CD2AP: variants seen among roughly 807,000 people sequenced by gnomAD.
The protein encoded by CD2AP is CD2 associated protein, also known as CD2-associated protein.
CD2AP carries 46 observed loss-of-function variants against 85.1 expected under a neutral mutation model. The ratio of observed to expected loss-of-function variants is 0.54; its 90% confidence interval spans 0.43 to 0.69. CD2AP has a LOEUF of 0.69. Ranked by LOEUF, CD2AP falls within the 30% of genes least tolerant of loss-of-function variation. The probability of loss-of-function intolerance (pLI) is 0.00; values close to 1 mark genes in which losing one functional copy is unlikely to be tolerated. For missense variants in CD2AP, 769 were observed against 729.5 expected, an observed-to-expected ratio of 1.05 and a Z score of -0.62; for synonymous variants, 255 against 252.9, an observed-to-expected ratio of 1.01 and a Z score of -0.08.
chr6:47,625,749 T>C lies in CD2AP; in HGVS notation c.*1522T>C, dbSNP rs1027938337. ...AAATGAAATTTTGTCATGTTTCAAA[T>C]AAAGAGAACTGAAGTAGAAAATAGA... On this transcript the variant is annotated 3_prime_UTR_variant, in exon 18 of 18. Coordinates refer to ENST00000359314, the MANE Select transcript of CD2AP (RefSeq NM_012120.3). 1.3e-5 allele frequency: 2 copies of C among 151,684 alleles called. No homozygotes were observed. Among genetic ancestry groups the C allele is most frequent in the African/African-American group, 4.8e-5 (2 of 41,386 alleles). 9.4% of individuals were successfully genotyped at this position (151,684 alleles called of 1,614,324 possible).
intron 17 of CD2AP, among the ~76,000 whole-genome samples, chr6:47,622,203 A>G (rs1228923415): frequency 6.6e-6 from 1 of 152,244 alleles, no homozygotes; most frequent in South Asian, 2.1e-4. Context: ...TGCCTCCCCC[A>G]ACAGCCCTGT....
intron 2 of CD2AP, among the ~76,000 whole-genome samples, chr6:47,525,932 C>T (rs1766709576): frequency 6.6e-6 from 1 of 152,120 alleles, no homozygotes; most frequent in Admixed American, 6.5e-5. Context: ...TTTGCTTTGA[C>T]TATACATGAT....
intron 13 of CD2AP, among the ~76,000 whole-genome samples, chr6:47,602,222 TTTTC>T (rs1476437787): frequency 1.3e-5 from 2 of 151,528 alleles, no homozygotes; most frequent in African/African-American, 4.9e-5. Flanking sequence ...AACACTCAGA[TTTTC>T]TTTTTTTAAT....
intron 4 of CD2AP, chr6:47,545,188 G>A (rs530894020): frequency 6.2e-6 from 1 of 162,546 alleles, no homozygotes; most frequent in East Asian, 1.8e-4. Flanking sequence ...CTCCCACTGG[G>A]ATAGACAGAG....
rs539038811 is a variant in CD2AP at position 47,526,818 on chromosome 6, G to A, written c.166-6784G>A. Among the ~76,000 whole-genome samples, 6 of 152,236 alleles carry A rather than the reference G, an allele frequency of 3.9e-5. No homozygotes were observed. The South Asian group carries it at 1.2e-3, about 32-fold the overall frequency. On this transcript the variant is annotated intron_variant, in intron 2 of 17. Transcript: ENST00000359314. ...TGTGAATTTTATTTTTTCAATGTAG[G>A]TAGCTTATGAGGCAGACAGGAGAAT...
At chr6:47,614,655 C>CAAAGTGATACAAAG (rs1399235117) in intron 17 of CD2AP, among the ~76,000 whole-genome samples, 1 of 152,166 alleles carries the variant, frequency 6.6e-6, no homozygotes, top group Non-Finnish European at 1.5e-5. Flanking sequence ...AAAGTGATCA[C>CAAAGTGATACAAAG]ATATTGTTGG....
chr6:47,592,231 A>G (rs6917252), intron 11 of CD2AP, among the ~76,000 whole-genome samples: 91,760 of 151,756 alleles, frequency 0.6, 28,543 homozygotes, highest in Middle Eastern at 0.74. Flanking sequence ...CCTTAAATCT[A>G]CATTTTCTCT....
chr6:47,616,288 T>G (rs1769585242), intron 17 of CD2AP, among the ~76,000 whole-genome samples: 1 of 151,140 alleles, frequency 6.6e-6, no homozygotes, highest in African/African-American at 2.4e-5. Context: ...GAGATGGGGT[T>G]TTGCCATGTT....
At chr6:47,573,356 A>G (rs1209174398) in intron 5 of CD2AP, among the ~76,000 whole-genome samples, 1 of 152,062 alleles carries the variant, frequency 6.6e-6, no homozygotes, top group Non-Finnish European at 1.5e-5. Context: ...TCCCAGTTTT[A>G]TATTGAGAAA....
At chr6:47,566,690 C>A (rs797011534) in intron 5 of CD2AP, among the ~76,000 whole-genome samples, 1 of 152,092 alleles carries the variant, frequency 6.6e-6, no homozygotes, top group Non-Finnish European at 1.5e-5. Context: ...GTTCAACTCC[C>A]ACTAATGAGT....
At chr6:47,518,406 A>G (rs1391686231) in intron 2 of CD2AP, among the ~76,000 whole-genome samples, 1 of 152,206 alleles carries the variant, frequency 6.6e-6, no homozygotes, top group Non-Finnish European at 1.5e-5. Context: ...AACCACTGAT[A>G]TGCTTTTTGT....
intron 2 of CD2AP, among the ~76,000 whole-genome samples, chr6:47,508,051 A>G (rs1766220064): frequency 6.6e-6 from 1 of 152,234 alleles, no homozygotes; most frequent in Admixed American, 6.5e-5. Context: ...CATAATTCTT[A>G]AGGACCCTAG....
intron 17 of CD2AP, among the ~76,000 whole-genome samples, chr6:47,615,754 G>A (rs1769560685): frequency 6.7e-6 from 1 of 149,972 alleles, no homozygotes; most frequent in Admixed American, 6.7e-5. Context: ...CAGCAATGGA[G>A]CTGAAATTTA....
chr6:47,579,693 G>A (rs937678642), intron 9 of CD2AP: 15 of 536,226 alleles, frequency 2.8e-5, no homozygotes, highest in Non-Finnish European at 2.3e-5. Context: ...TTTCTTTCTC[G>A]ACTGTACTGA....
chr6:47,555,868 C>T (rs1357725262), intron 5 of CD2AP, among the ~76,000 whole-genome samples: 2 of 130,054 alleles, frequency 1.5e-5, no homozygotes, highest in East Asian at 2.0e-4. Flanking sequence ...ATGTTTGCAG[C>T]GTCATAGGTT....
intron 4 of CD2AP, among the ~76,000 whole-genome samples, chr6:47,547,483 A>G (rs1767395611): frequency 7.2e-6 from 1 of 139,168 alleles, no homozygotes; most frequent in East Asian, 2.0e-4. Flanking sequence ...AAGTATCACA[A>G]TTCTATATAT....
At chr6:47,582,096 A>G (rs370890108) in intron 11 of CD2AP, 31 bp downstream of exon 11, 3 of 1,302,612 alleles carry the variant, frequency 2.3e-6, no homozygotes, top group Admixed American at 3.4e-5. Flanking sequence ...TCAAAAAAGC[A>G]ATTATTTCTT....
At position 47,533,593 on chromosome 6, in the gene CD2AP, CT is replaced by C; in HGVS notation, c.166-5del. The stretch of plus-strand genomic sequence containing the variant: ...TAACTTGCCTCTTTATTTATTTTCC[CT>C]TTTGTAGGAAATTAAAAGAGAGACG... On this transcript the variant is annotated splice_polypyrimidine_tract_variant and splice_region_variant and intron_variant, in intron 2 of 17. Coordinates refer to ENST00000359314, the MANE Select transcript of CD2AP (RefSeq NM_012120.3). 1 of 1,612,622 alleles carries C rather than the reference CT, an allele frequency of 6.2e-7. No homozygotes were observed.
At chr6:47,519,700 C>T (rs915568525) in intron 2 of CD2AP, among the ~76,000 whole-genome samples, 1 of 152,046 alleles carries the variant, frequency 6.6e-6, no homozygotes, top group Non-Finnish European at 1.5e-5. Context: ...TCAAGAACTG[C>T]CCATTCATAT....
Sources: gnomAD v4.1 joint callset for allele counts (sites outside exome capture counted in the v4.1 genomes callset) on GRCh38, gnomAD v4.1.1 for gene constraint, MANE v1.5 for transcripts, NCBI Gene and HGNC (gene_info 2026-07-23, HGNC 2026-07-21) for gene names.